Variants in VEGFD observed in about 807,000 individuals in gnomAD.
VEGFD encodes the protein c-fos induced growth factor (vascular endothelial growth factor D).
VEGFD carries 26 observed loss-of-function variants against 28.0 expected under a neutral mutation model. The ratio of observed to expected loss-of-function variants is 0.93; its 90% CI spans 0.68 to 1.29. The LOEUF is 1.29. Ranked by LOEUF, VEGFD falls within the 50% of genes most tolerant of loss-of-function variation. The probability of loss-of-function intolerance (pLI) is 0.00; values close to 1 mark genes in which losing one functional copy is unlikely to be tolerated. For missense variants in VEGFD, 294 were observed against 273.4 expected (o/e 1.08, Z -0.53); for synonymous variants, 93 against 95.5 (o/e 0.97, Z 0.15).
Position 15,353,239 on chromosome X carries a change from A to C in VEGFD, c.642-71T>G, listed in dbSNP as rs1922775960. ...AATCAAAACTTTGGAACATTAAATA[A>C]ATTCCTGAGTAGATAATAGTTAAGA... is the stretch of plus-strand genomic sequence containing the variant. On this transcript the variant is annotated intron_variant, in intron 4 of 6. Transcript: ENST00000297904. The C allele has an allele frequency of 5.5e-6, 3 of 545,574 alleles. No homozygotes were observed. In the East Asian group the frequency reaches 1.2e-4, roughly 23 times the overall value. The allele number at this position is 545,574 out of a possible 1,213,427, so 45.0% of individuals were successfully genotyped here.
At chrX:15,380,847 G>T (rs942868088) in intron 1 of VEGFD, among the ~76,000 whole-genome samples, 1 of 112,619 alleles carries the variant, frequency 8.9e-6, no homozygotes, top group Non-Finnish European at 1.9e-5. Context: ...CTATATGCAT[G>T]GAGCACCCTA....
In VEGFD at chrX:15,358,109, T is replaced by C. The variant is rs1922912433; in HGVS notation, c.386A>G (p.Asn129Ser). The change falls in exon 3 of 7, where the codon AAC becomes AGC. Residue 129 changes from asparagine to serine, a missense_variant. Asn to Ser is a conservative substitution (Grantham distance 46). Coordinates refer to ENST00000297904, the MANE Select transcript of VEGFD (RefSeq NM_004469.5). ...CACACAAGGGGGCTTGAAGAATGTG[T>C]TGGTACTCTTCCCCAGCTCACTGGC... Reference protein sequence around the residue: ...EVASELGKSTNTFFKPPCVNV... With the variant: ...EVASELGKSTSTFFKPPCVNV... 8.3e-7 allele frequency: 1 copy of C among 1,209,643 alleles called. No homozygotes were observed. Among genetic ancestry groups the C allele is most frequent in the Non-Finnish European group, 1.1e-6 (1 of 894,968 alleles).
At chrX:15,376,164 T>C (rs1165595837) in intron 1 of VEGFD, among the ~76,000 whole-genome samples, 1 of 111,809 alleles carries the variant, frequency 8.9e-6, no homozygotes, top group African/African-American at 3.3e-5. Flanking sequence ...CTCCTGACTC[T>C]CTGAGGGAGG....
At chrX:15,366,654 C>T (rs1013541828) in intron 1 of VEGFD, among the ~76,000 whole-genome samples, 1 of 111,957 alleles carries the variant, frequency 8.9e-6, no homozygotes. Flanking sequence ...GTCCTAGTTG[C>T]AAGGAAGTAT....
At chrX:15,368,364 T>G (rs1923231930) in intron 1 of VEGFD, among the ~76,000 whole-genome samples, 1 of 112,417 alleles carries the variant, frequency 8.9e-6, no homozygotes, top group African/African-American at 3.2e-5. Context: ...AAAAATGCAG[T>G]GTTTACTCAA....
chrX:15,376,775 G>A (rs980502688), intron 1 of VEGFD, among the ~76,000 whole-genome samples: 7 of 111,581 alleles, frequency 6.3e-5, no homozygotes, highest in African/African-American at 2.0e-4. Context: ...TTGCAAAGTT[G>A]TTTTCACTTT....
intron 5 of VEGFD, among the ~76,000 whole-genome samples, chrX:15,351,684 TAGAG>T (rs1190259680): frequency 8.9e-5 from 10 of 112,224 alleles, no homozygotes; most frequent in Non-Finnish European, 1.9e-4. Flanking sequence ...GGGCATGAAA[TAGAG>T]AGTCTAAATT....
At chrX:15,372,892 C>G (rs1923346999) in intron 1 of VEGFD, among the ~76,000 whole-genome samples, 1 of 111,541 alleles carries the variant, frequency 9.0e-6, no homozygotes, top group South Asian at 3.7e-4. Context: ...GATACCTGAC[C>G]ATTTGCAGGT....
intron 3 of VEGFD, among the ~76,000 whole-genome samples, chrX:15,356,298 C>T (rs1483142988): frequency 9.0e-6 from 1 of 111,696 alleles, no homozygotes; most frequent in Non-Finnish European, 1.9e-5. Flanking sequence ...TCCATGTAGT[C>T]CTTACTACAT....
intron 1 of VEGFD, among the ~76,000 whole-genome samples, chrX:15,375,983 G>A (rs947165997): frequency 9.0e-6 from 1 of 111,331 alleles, no homozygotes; most frequent in Non-Finnish European, 1.9e-5. Context: ...GGTGTGGGAT[G>A]GGCTTGAATG....
intron 1 of VEGFD, among the ~76,000 whole-genome samples, chrX:15,365,397 T>C (rs992267710): frequency 8.9e-6 from 1 of 112,142 alleles, no homozygotes; most frequent in African/African-American, 3.2e-5. Flanking sequence ...CCGCCCAAAG[T>C]GTTGTGATTA....
intron 1 of VEGFD, among the ~76,000 whole-genome samples, chrX:15,378,411 A>G (rs1923488153): frequency 1.8e-5 from 2 of 112,304 alleles, no homozygotes; most frequent in Admixed American, 9.4e-5. Flanking sequence ...GATTTAATGC[A>G]GTAGTTCATA....
rs548039050 is a variant in VEGFD at position 15,351,111 on chromosome X, CT to C, written c.742+1956del. On this transcript the variant is annotated intron_variant, in intron 5 of 6. Coordinates refer to ENST00000297904, the MANE Select transcript of VEGFD (RefSeq NM_004469.5). ...TCGCCATGTTGGCCCGGCTGGTTTTCTTTTTTTTTTTTTTCTTTTTTTGAGA... is the reference window on the plus strand; with the variant it reads ...TCGCCATGTTGGCCCGGCTGGTTTTCTTTTTTTTTTTTTCTTTTTTTGAGA... 5.5e-3 allele frequency among the ~76,000 whole-genome samples: 273 copies of C among 50,014 alleles called. 3 individuals are homozygous for C. Among genetic ancestry groups the C allele is most frequent in the African/African-American group, 0.018 (246 of 13,396 alleles). 43.4% of individuals were successfully genotyped at this position (50,014 alleles called of 115,157 possible). A position where few individuals can be genotyped will look rare whatever the true frequency, so the allele number is the denominator to read the frequency against.
chrX:15,368,100 AAAAGAAGGAAAGAAAG>A (rs1339407675), intron 1 of VEGFD, among the ~76,000 whole-genome samples: 3 of 107,054 alleles, frequency 2.8e-5, no homozygotes, highest in African/African-American at 1.0e-4. Flanking sequence ...AGAAAGAAAG[AAAAGAAGGAAAGAAAG>A]AAAGGAGAGA....
intron 1 of VEGFD, among the ~76,000 whole-genome samples, chrX:15,364,406 A>G: frequency 8.9e-6 from 1 of 112,076 alleles, no homozygotes; most frequent in Admixed American, 9.5e-5. Flanking sequence ...GACTTGGTAG[A>G]TAAAAGATTT....
chrX:15,381,810 G>A (rs1399941664), intron 1 of VEGFD, among the ~76,000 whole-genome samples: 1 of 83,232 alleles, frequency 1.2e-5, no homozygotes. Flanking sequence ...ATTGAGCGAG[G>A]GGTAGGGTGG....
chrX:15,359,847 C>A (rs7049801), intron 2 of VEGFD, among the ~76,000 whole-genome samples: 1 of 112,014 alleles, frequency 8.9e-6, no homozygotes, highest in African/African-American at 3.2e-5. Context: ...ATGCCTGCAG[C>A]CCAAGCCAAC....
intron 1 of VEGFD, among the ~76,000 whole-genome samples, chrX:15,382,124 T>C (rs994426133): frequency 4.5e-5 from 5 of 110,953 alleles, no homozygotes; most frequent in Middle Eastern, 4.7e-3. Flanking sequence ...ATCGAGACCA[T>C]CCTGGCTAAC....
At chrX:15,346,760 C>G (rs1405174023) in intron 6 of VEGFD, among the ~76,000 whole-genome samples, 1 of 110,722 alleles carries the variant, frequency 9.0e-6, no homozygotes, top group East Asian at 2.8e-4. Context: ...GGTGAAACCC[C>G]GTCTCTACTG....
Sources: allele counts gnomAD v4.1 joint callset (sites outside exome capture counted in the v4.1 genomes callset), GRCh38; gene constraint gnomAD v4.1.1; transcripts MANE v1.5; gene names NCBI Gene and HGNC (gene_info 2026-07-23, HGNC 2026-07-21).